PCDHA1: variants seen among roughly 807,000 people sequenced by gnomAD.
The protein encoded by PCDHA1 is protocadherin alpha 1.
A neutral mutation model predicts 61.3 loss-of-function variants in PCDHA1; 42 were observed. The ratio of observed to expected loss-of-function variants is 0.69; its 90% CI spans 0.54 to 0.89. PCDHA1 has a LOEUF of 0.89. PCDHA1 is among the 40% of genes least tolerant of loss of function. PCDHA1 has a pLI of 0.00. For synonymous variants in PCDHA1, 610 were observed against 553.8 expected (o/e 1.10, Z -1.43); for missense variants, 1,256 against 1,235.3 (o/e 1.02, Z -0.25).
At chr5:140,890,923 C>T (rs535912661) in intron 1 of PCDHA1, among the ~76,000 whole-genome samples, 1 of 152,202 alleles carries the variant, frequency 6.6e-6, no homozygotes, top group East Asian at 1.9e-4. Context: ...TTGAGAGTTT[C>T]CTTTAGTCCA....
Position 140,841,407 on chromosome 5 carries a change from G to A in PCDHA1, c.2394+52723G>A, listed in dbSNP as rs2150314809. On this transcript the variant is annotated intron_variant, in intron 1 of 3. Transcript: ENST00000504120. ...CTCGCAGCCTGGAAGGTGGGGAGCG[G>A]CCAGCTCCACTACTCCGTCCCCGAG... 14 of 1,613,104 alleles carry A rather than the reference G, an allele frequency of 8.7e-6. No individual in the cohort carries two copies. In the South Asian group the frequency reaches 1.5e-4, roughly 18 times the overall value.
intron 1 of PCDHA1, among the ~76,000 whole-genome samples, chr5:140,918,479 G>T (rs895821639): frequency 1.3e-5 from 2 of 152,092 alleles, no homozygotes; most frequent in Non-Finnish European, 2.9e-5. Flanking sequence ...AGTCTCAAGG[G>T]GAATGCTTTG....
chr5:140,978,758 C>A (rs925464508), intron 1 of PCDHA1, among the ~76,000 whole-genome samples, 191 bp from the exon 2 acceptor site: 6 of 152,148 alleles, frequency 3.9e-5, no homozygotes, highest in African/African-American at 1.4e-4. Context: ...TGTGTGAGGA[C>A]CCTGATGAAC....
chr5:140,959,301 G>A (rs139206577), intron 1 of PCDHA1, among the ~76,000 whole-genome samples: 161 of 152,140 alleles, frequency 1.1e-3, no homozygotes, highest in Non-Finnish European at 1.1e-3. Context: ...CACTGAGCCC[G>A]GTGGTTGAAG....
At chr5:140,845,629 A>G (rs1437329229) in intron 1 of PCDHA1, among the ~76,000 whole-genome samples, 1 of 149,600 alleles carries the variant, frequency 6.7e-6, no homozygotes, top group East Asian at 1.9e-4. Flanking sequence ...GAAGCTCTCT[A>G]AATCAAGTCC....
intron 1 of PCDHA1, chr5:140,848,627 C>A (rs2150415435): frequency 6.3e-7 from 1 of 1,593,432 alleles, no homozygotes; most frequent in Non-Finnish European, 8.6e-7. Context: ...ACGGCACCTT[C>A]GTGGGCCGCA....
intron 3 of PCDHA1, among the ~76,000 whole-genome samples, chr5:141,000,383 C>G (rs1324907388): frequency 4.7e-5 from 3 of 63,178 alleles, no homozygotes; most frequent in South Asian, 1.1e-3. Flanking sequence ...CTCTCTCTCT[C>G]TCTCTCTCTC....
chr5:140,871,007 C>T (rs1554164969), intron 1 of PCDHA1: 1 of 1,613,314 alleles, frequency 6.2e-7, no homozygotes, highest in South Asian at 1.1e-5. Context: ...ACAACGCGTG[C>T]CCTGGACGAG....
At chr5:140,996,752 GT>G (rs1406262736) in intron 3 of PCDHA1, among the ~76,000 whole-genome samples, 2 of 152,208 alleles carry the variant, frequency 1.3e-5, no homozygotes, top group East Asian at 3.9e-4. Flanking sequence ...AATTATATCT[GT>G]GCAGGACTAA....
At position 140,833,586 on chromosome 5, in the gene PCDHA1, T is replaced by C. The variant is rs1377047796; in HGVS notation, c.2394+44902T>C. Among the ~76,000 whole-genome samples the C allele has an allele frequency of 3.9e-5, 6 of 152,200 alleles. No homozygotes were observed. The East Asian group carries it at 9.7e-4, about 25-fold the overall frequency. ...ATAAAATGATGAACTCCTGAAACAGTATATATAGATTCTGCTAAAGCAAAA... is the reference window on the plus strand; with the variant it reads ...ATAAAATGATGAACTCCTGAAACAGCATATATAGATTCTGCTAAAGCAAAA... On this transcript the variant is annotated intron_variant, in intron 1 of 3. Transcript: ENST00000504120.
chr5:140,979,522 A>G (rs576025092), intron 2 of PCDHA1, among the ~76,000 whole-genome samples: 1 of 152,098 alleles, frequency 6.6e-6, no homozygotes, highest in South Asian at 2.1e-4. Context: ...ATCTGTTGCT[A>G]TCTTATTGTC....
chr5:140,841,971 G>T (rs2150326595), intron 1 of PCDHA1: 3 of 1,613,910 alleles, frequency 1.9e-6, no homozygotes, highest in East Asian at 2.2e-5. Flanking sequence ...GCCACAGATG[G>T]GGGCAAACCT....
At chr5:140,914,930 T>C (rs1474677743) in intron 1 of PCDHA1, among the ~76,000 whole-genome samples, 1 of 150,038 alleles carries the variant, frequency 6.7e-6, no homozygotes, top group Non-Finnish European at 1.5e-5. Flanking sequence ...TTGTACTATG[T>C]TGTGAAAAGT....
chr5:140,871,799 T>C (rs1183689356), intron 1 of PCDHA1, among the ~76,000 whole-genome samples: 2 of 152,196 alleles, frequency 1.3e-5, no homozygotes, highest in Non-Finnish European at 2.9e-5. Context: ...AAATAATTAC[T>C]ATTTTCACTA....
At chr5:140,926,926 T>C in intron 1 of PCDHA1, 1 of 1,573,576 alleles carries the variant, frequency 6.4e-7, no homozygotes, top group South Asian at 1.2e-5. Flanking sequence ...TTTATGTTTG[T>C]GGGTTTCCTG....
At chr5:140,850,181 G>C in intron 1 of PCDHA1, 1 of 1,593,852 alleles carries the variant, frequency 6.3e-7, no homozygotes, top group South Asian at 1.1e-5. Context: ...ACGACAATGC[G>C]CCGGCGCTGC....
intron 1 of PCDHA1, chr5:140,853,202 C>T (rs1357815878): frequency 1.3e-5 from 13 of 982,324 alleles, no homozygotes; most frequent in Middle Eastern, 5.3e-4. Flanking sequence ...TTATTATTGA[C>T]GGCTGTATTG....
intron 1 of PCDHA1, among the ~76,000 whole-genome samples, chr5:140,950,508 C>T (rs1442075303): frequency 6.6e-6 from 1 of 152,016 alleles, no homozygotes; most frequent in African/African-American, 2.4e-5. Context: ...TCATTATTCC[C>T]TGTGTGCGAT....
chr5:140,823,644 G>A, intron 1 of PCDHA1: 3 of 1,613,948 alleles, frequency 1.9e-6, no homozygotes, highest in Non-Finnish European at 2.5e-6. Flanking sequence ...CGTTCCGCGT[G>A]GGGCTGTACA....
Sources: gnomAD v4.1 joint callset for allele counts (sites outside exome capture counted in the v4.1 genomes callset) on GRCh38, gnomAD v4.1.1 for gene constraint, MANE v1.5 for transcripts, NCBI Gene and HGNC (gene_info 2026-07-23, HGNC 2026-07-21) for gene names.